The following ANK2 variants were observed in gnomAD, a reference collection of about 807,000 sequenced individuals.
ANK2 encodes ankyrin 2, also known as ankyrin-2.
A neutral mutation model predicts 360.5 loss-of-function variants in ANK2; 83 were observed. That is an observed-to-expected ratio of 0.23 (90% CI 0.19 to 0.28). ANK2 has a LOEUF of 0.28. ANK2 is among the 10% of genes least tolerant of loss of function. The pLI, the probability that ANK2 is intolerant of heterozygous loss-of-function variation, is 1.00. For synonymous variants in ANK2, 1,740 were observed against 1,759.5 expected (o/e 0.99, Z 0.28); for missense variants, 4,201 against 4,795.7 (o/e 0.88, Z 3.66).
intron 2 of ANK2, among the ~76,000 whole-genome samples, chr4:112,962,365 G>T (rs1379330655): frequency 6.6e-6 from 1 of 152,062 alleles, no homozygotes; most frequent in East Asian, 1.9e-4. Context: ...TTGCTACAAG[G>T]GACATGATGT....
At chr4:112,727,568 T>C in the ANK2 span, among the ~76,000 whole-genome samples, 1 of 152,032 alleles carries the variant, frequency 6.6e-6, no homozygotes, top group African/African-American at 2.4e-5. Context: ...GGTTGGTTTT[T>C]TGAAAAGATA....
intron 10 of ANK2, among the ~76,000 whole-genome samples, chr4:113,250,139 TA>T (rs1347512741): frequency 6.6e-6 from 1 of 152,254 alleles, no homozygotes; most frequent in Non-Finnish European, 1.5e-5. Flanking sequence ...GTATTTTAAA[TA>T]TAAATGAGAA....
chr4:112,965,234 G>A (rs1219281048), intron 2 of ANK2, among the ~76,000 whole-genome samples: 5 of 152,030 alleles, frequency 3.3e-5, no homozygotes, highest in Non-Finnish European at 5.9e-5. Context: ...GTTTCGATTT[G>A]CATTTCTCTG....
intron 2 of ANK2, among the ~76,000 whole-genome samples, chr4:112,930,860 C>G (rs574355934): frequency 1.3e-5 from 2 of 151,096 alleles, no homozygotes; most frequent in Admixed American, 6.6e-5. Flanking sequence ...TGCACTCCAG[C>G]CTGGGCGACA....
intron 14 of ANK2, among the ~76,000 whole-genome samples, chr4:113,270,469 T>TA (rs1415324017): frequency 6.6e-6 from 1 of 152,234 alleles, no homozygotes; most frequent in Non-Finnish European, 1.5e-5. Context: ...TCTACTTTTT[T>TA]ACTTCTCTTT....
At chr4:113,334,312 A>G (rs1485706300) in intron 29 of ANK2, among the ~76,000 whole-genome samples, 1 of 152,128 alleles carries the variant, frequency 6.6e-6, no homozygotes, top group African/African-American at 2.4e-5. Flanking sequence ...CAGGGTTTTT[A>G]TTAATAAAAA....
At chr4:112,932,518 A>T (rs556351442) in intron 2 of ANK2, among the ~76,000 whole-genome samples, 49 of 150,756 alleles carry the variant, frequency 3.3e-4, no homozygotes, top group African/African-American at 1.1e-3. Flanking sequence ...AAAAAGATAC[A>T]TTTGGCTGAA....
chr4:112,753,135 C>T, the ANK2 span, among the ~76,000 whole-genome samples: 12 of 152,366 alleles, frequency 7.9e-5, no homozygotes, highest in African/African-American at 2.9e-4. Flanking sequence ...TCAGAGAGCA[C>T]ATTGGTGCCT....
chr4:113,364,118 A>T (rs1188453473), intron 40 of ANK2, among the ~76,000 whole-genome samples: 2 of 152,138 alleles, frequency 1.3e-5, no homozygotes, highest in Non-Finnish European at 2.9e-5. Flanking sequence ...CACTTTGCAA[A>T]GATTTATTCC....
chr4:112,839,596 C>T (rs2061677079), intron 1 of ANK2, among the ~76,000 whole-genome samples: 3 of 152,166 alleles, frequency 2.0e-5, no homozygotes, highest in Admixed American at 2.0e-4. Flanking sequence ...TGTATTAATT[C>T]AGATTTGGAG....
At chr4:113,314,580 A>C (rs1157576586) in intron 24 of ANK2, among the ~76,000 whole-genome samples, 7 of 152,200 alleles carry the variant, frequency 4.6e-5, no homozygotes, top group Admixed American at 4.6e-4. Context: ...AAAAATTGGC[A>C]ACTGTATTGG....
At chr4:113,350,448 C>T (rs2095337324) in intron 37 of ANK2, 199 bp downstream of exon 37, 2 of 496,324 alleles carry the variant, frequency 4.0e-6, no homozygotes, top group Non-Finnish European at 3.6e-6. Flanking sequence ...AGCTAATTAG[C>T]AGTAAAATGC....
At chr4:112,915,989 G>A (rs567133904) in intron 2 of ANK2, among the ~76,000 whole-genome samples, 2 of 151,998 alleles carry the variant, frequency 1.3e-5, no homozygotes, top group South Asian at 4.2e-4. Context: ...TTCCATTCCT[G>A]CGTAACTCTT....
At chr4:112,873,433 C>T (rs2073937836) in intron 1 of ANK2, among the ~76,000 whole-genome samples, 1 of 151,624 alleles carries the variant, frequency 6.6e-6, no homozygotes, top group South Asian at 2.1e-4. Flanking sequence ...TATGTAATGT[C>T]CCTTATGACT....
At chr4:113,025,498 T>C (rs1210160740) in intron 2 of ANK2, among the ~76,000 whole-genome samples, 1 of 152,202 alleles carries the variant, frequency 6.6e-6, no homozygotes, top group Non-Finnish European at 1.5e-5. Flanking sequence ...GCCTTATGGA[T>C]AAACTCCAAA....
At position 113,208,692 on chromosome 4, in the gene ANK2, A is replaced by G. The variant is rs182013315; in HGVS notation, c.384+9583A>G. Among the ~76,000 whole-genome samples, 8 of 151,892 alleles carry G rather than the reference A, an allele frequency of 5.3e-5. No individual in the cohort carries two copies. In the East Asian group the frequency reaches 1.5e-3, roughly 29 times the overall value. On this transcript the variant is annotated intron_variant, in intron 4 of 45. Transcript: ENST00000357077. The stretch of plus-strand genomic sequence containing the variant: ...AATTTTTTAAATGTTTTGTAGAGAC[A>G]GGGTCTTGCTATCTCGCCCAGACTG...
chr4:113,367,691 G>A lies in ANK2; in HGVS notation c.11158G>A (p.Gly3720Ser). Reference protein sequence around the residue: ...PIVSEEDISVGYSTFQDGVPK... With the variant: ...PIVSEEDISVSYSTFQDGVPK... ...CGTCTCAGAGGAAGACATTTCTGTTGGTTATTCCACTTTTCAGGATGGCGT... is the reference window on the plus strand; with the variant it reads ...CGTCTCAGAGGAAGACATTTCTGTTAGTTATTCCACTTTTCAGGATGGCGT... Residue 3720 changes from glycine (G) to serine (S), a missense_variant, in exon 42 of 46, where the codon GGT becomes AGT. Coordinates refer to ENST00000357077, the MANE Select transcript of ANK2 (RefSeq NM_001148.6). 1 of 1,613,880 alleles carries A rather than the reference G, an allele frequency of 6.2e-7. No homozygotes were observed. Among genetic ancestry groups the A allele is most frequent in the Non-Finnish European group, 8.5e-7 (1 of 1,179,980 alleles).
intron 1 of ANK2, among the ~76,000 whole-genome samples, chr4:113,099,552 T>G (rs929660074): frequency 2.0e-5 from 3 of 152,036 alleles, no homozygotes. Context: ...AGATTTCACT[T>G]CTTCTCAACT....
intron 1 of ANK2, among the ~76,000 whole-genome samples, chr4:113,101,874 C>G (rs200997709): frequency 6.6e-6 from 1 of 151,966 alleles, no homozygotes; most frequent in East Asian, 1.9e-4. Flanking sequence ...AGAATGAGGA[C>G]AACATTCCAG....
Sources: allele counts gnomAD v4.1 joint callset (sites outside exome capture counted in the v4.1 genomes callset), GRCh38; gene constraint gnomAD v4.1.1; transcripts MANE v1.5; gene names NCBI Gene and HGNC (gene_info 2026-07-23, HGNC 2026-07-21).